The following LOXL2 variants were observed in gnomAD, a reference collection of about 807,000 sequenced individuals.
The protein encoded by LOXL2 is lysyl oxidase homolog 2.
A neutral mutation model predicts 93.0 loss-of-function variants in LOXL2; 70 were observed. The ratio of observed to expected loss-of-function variants is 0.75; its 90% CI spans 0.62 to 0.92. The LOEUF (loss-of-function observed/expected upper bound fraction) is 0.92, where lower values mean the gene tolerates loss of function less well. LOXL2 is among the 40% of genes least tolerant of loss of function. The pLI, the probability that LOXL2 is intolerant of heterozygous loss-of-function variation, is 0.00. For synonymous variants in LOXL2, 438 were observed against 413.2 expected, an observed-to-expected ratio of 1.06 and a Z score of -0.73; for missense variants, 973 against 1,054.9, an observed-to-expected ratio of 0.92 and a Z score of 1.08.
At chr8:23,341,469 C>G (rs1803882466) in intron 3 of LOXL2, 3 of 525,052 alleles carry the variant, frequency 5.7e-6, no homozygotes, top group South Asian at 4.2e-5. Context: ...GACTCAGAGA[C>G]CCCATGGGCT....
At chr8:23,338,688 A>G (rs1161192817) in intron 4 of LOXL2, among the ~76,000 whole-genome samples, 1 of 152,208 alleles carries the variant, frequency 6.6e-6, no homozygotes, top group Non-Finnish European at 1.5e-5. Flanking sequence ...TGCAACTGCA[A>G]GCCACTGCTT....
At chr8:23,367,906 G>T (rs944545694) in intron 2 of LOXL2, 91 bp downstream of exon 2, 3 of 1,027,062 alleles carry the variant, frequency 2.9e-6, no homozygotes, top group Admixed American at 2.1e-5. Flanking sequence ...TTCGCAGTGC[G>T]TGCAGCCTCC....
rs927666438 is a variant in LOXL2, at chr8:23,404,069, G to A, written c.-199C>T. 2 of 211,158 alleles carry A rather than the reference G, an allele frequency of 9.5e-6. No homozygotes were observed. Among genetic ancestry groups the A allele is most frequent in the Non-Finnish European group, 1.0e-5 (1 of 99,754 alleles). The allele number at this position is 211,158 out of a possible 1,614,324, so 13.1% of individuals were successfully genotyped here. On this transcript the variant is annotated 5_prime_UTR_variant, in exon 1 of 14. Transcript: ENST00000389131. ...AGCAGAGGGGGCGGCTCTGGTCTCC[G>A]ATGGCTGGAGAAAGCAAGCACCAAG...
At chr8:23,369,785 T>C (rs981833186) in intron 1 of LOXL2, among the ~76,000 whole-genome samples, 7 of 152,144 alleles carry the variant, frequency 4.6e-5, no homozygotes, top group African/African-American at 1.7e-4. Flanking sequence ...GTTCCTGTGA[T>C]AGCTCCTGAC....
chr8:23,392,012 A>G (rs1482136582), intron 1 of LOXL2, among the ~76,000 whole-genome samples: 1 of 152,198 alleles, frequency 6.6e-6, no homozygotes, highest in Non-Finnish European at 1.5e-5. Context: ...GGCTCATGAC[A>G]GCAGACCTCG....
chr8:23,298,001 T>C lies in LOXL2; in HGVS notation c.*42A>G. 3.9e-6 allele frequency: 6 copies of C among 1,527,736 alleles called. No homozygotes were observed. The South Asian group carries it at 5.7e-5, about 14-fold the overall frequency. 94.6% of individuals were successfully genotyped at this position (1,527,736 alleles called of 1,614,324 possible). A position where few individuals can be genotyped will look rare whatever the true frequency, so the allele number is the denominator to read the frequency against. On this transcript the variant is annotated 3_prime_UTR_variant, in exon 14 of 14. Transcript: ENST00000389131. The stretch of plus-strand genomic sequence containing the variant: ...TGTTGGGGGGAAGTCCCATGGAAGA[T>C]GTGGTGTGGCCTGAAGACAGGAGTT...
At chr8:23,357,492 G>C (rs1010559261) in intron 3 of LOXL2, among the ~76,000 whole-genome samples, 3 of 152,184 alleles carry the variant, frequency 2.0e-5, no homozygotes, top group African/African-American at 7.2e-5. Context: ...TCCACAAACA[G>C]TGTGTGTTAA....
At chr8:23,367,212 C>T (rs1295693236) in intron 2 of LOXL2, among the ~76,000 whole-genome samples, 1 of 152,082 alleles carries the variant, frequency 6.6e-6, no homozygotes, top group African/African-American at 2.4e-5. Flanking sequence ...CCATGCCCGG[C>T]TAATTTTTGT....
At position 23,309,763 on chromosome 8, in the gene LOXL2, C is replaced by G. The variant is rs761702590; in HGVS notation, c.1785G>C (p.Arg595=). Residue 595 remains arginine (R), a synonymous_variant, in exon 10 of 14, where the codon CGG becomes CGC. Transcript: ENST00000389131. ...GGATCTGGGAGGAGAAGCGCAGGAG[C>G]CGGCGGTAGCCCGTGGTGGGGTCGG... ...AQTDPTTGYR[R]LLRFSSQIHN... is the part of the protein sequence containing the mutation. The G allele has an allele frequency of 6.2e-7, 1 of 1,603,240 alleles. No individual in the cohort carries two copies. Among genetic ancestry groups the G allele is most frequent in the African/African-American group, 1.3e-5 (1 of 74,542 alleles).
intron 10 of LOXL2, among the ~76,000 whole-genome samples, chr8:23,305,234 T>G (rs1422773743): frequency 6.6e-6 from 1 of 152,218 alleles, no homozygotes; most frequent in Non-Finnish European, 1.5e-5. Context: ...TGATGCTCCG[T>G]TGTCTAAACA....
chr8:23,392,345 C>T (rs1455492518), intron 1 of LOXL2, among the ~76,000 whole-genome samples: 3 of 152,152 alleles, frequency 2.0e-5, no homozygotes, highest in Admixed American at 6.5e-5. Context: ...TGAAGCTGGC[C>T]GGGCTTGGCT....
intron 4 of LOXL2, 117 bp from the exon 5 acceptor site, chr8:23,333,740 C>T: frequency 1.3e-6 from 1 of 785,380 alleles, no homozygotes; most frequent in Non-Finnish European, 2.0e-6. Flanking sequence ...AGCCCTGCTT[C>T]ACAGAGGGTC....
chr8:23,344,585 C>T (rs1409731496), intron 3 of LOXL2, among the ~76,000 whole-genome samples: 1 of 151,694 alleles, frequency 6.6e-6, no homozygotes, highest in Non-Finnish European at 1.5e-5. Context: ...GATTGTGTGT[C>T]TCTGGGATTG....
intron 1 of LOXL2, among the ~76,000 whole-genome samples, chr8:23,377,386 C>A (rs148705702): frequency 1.3e-5 from 2 of 151,516 alleles, no homozygotes; most frequent in Non-Finnish European, 2.9e-5. Context: ...GGAATAAGTG[C>A]GATGTGGTGC....
chr8:23,402,967 C>T (rs1017938929), intron 1 of LOXL2, among the ~76,000 whole-genome samples: 1 of 152,060 alleles, frequency 6.6e-6, no homozygotes, highest in Non-Finnish European at 1.5e-5. Flanking sequence ...CACACCCTCG[C>T]CCCGCTCCGC....
chr8:23,355,921 A>G (rs1804189916), intron 3 of LOXL2, among the ~76,000 whole-genome samples: 1 of 152,102 alleles, frequency 6.6e-6, no homozygotes, highest in Admixed American at 6.5e-5. Context: ...TTAAAAAAAA[A>G]GATCAATAGT....
intron 6 of LOXL2, among the ~76,000 whole-genome samples, chr8:23,326,782 T>C (rs1012602133): frequency 1.3e-5 from 2 of 152,172 alleles, no homozygotes; most frequent in African/African-American, 4.8e-5. Context: ...GAGCTCACCA[T>C]GCCCAGGGAA....
chr8:23,308,994 T>A (rs866917150), intron 10 of LOXL2, among the ~76,000 whole-genome samples: 45 of 149,918 alleles, frequency 3.0e-4, no homozygotes, highest in East Asian at 7.8e-4. Context: ...ATATATATTT[T>A]TTTTTTTTGA....
intron 6 of LOXL2, among the ~76,000 whole-genome samples, chr8:23,324,050 C>T (rs920328636): frequency 2.6e-5 from 4 of 152,128 alleles, no homozygotes; most frequent in Non-Finnish European, 5.9e-5. Context: ...TCCTGGAGAG[C>T]GGAGCATTTG....
Sources: gnomAD v4.1 joint callset for allele counts (sites outside exome capture counted in the v4.1 genomes callset) on GRCh38, gnomAD v4.1.1 for gene constraint, MANE v1.5 for transcripts, NCBI Gene and HGNC (gene_info 2026-07-23, HGNC 2026-07-21) for gene names.